The following KCNIP1 variants were observed in gnomAD, a reference collection of about 807,000 sequenced individuals.
The protein encoded by KCNIP1 is A-type potassium channel modulatory protein KCNIP1.
Under a neutral mutation model 33.0 loss-of-function variants are expected in KCNIP1, and 18 were observed. The observed-to-expected ratio is 0.55, with a 90% CI of 0.38 to 0.81. The LOEUF (loss-of-function observed/expected upper bound fraction) is 0.81. Among genes scored for constraint, KCNIP1 ranks in the 30% least tolerant of loss-of-function variants. The probability of loss-of-function intolerance (pLI) is 0.00; values close to 1 mark genes in which losing one functional copy is unlikely to be tolerated. For missense variants in KCNIP1, 238 were observed against 271.6 expected, an observed-to-expected ratio of 0.88 and a Z score of 0.87; for synonymous variants, 93 against 98.3, an observed-to-expected ratio of 0.95 and a Z score of 0.32.
chr5:170,729,958 A>G (rs911406740), intron 5 of KCNIP1, among the ~76,000 whole-genome samples: 2 of 152,134 alleles, frequency 1.3e-5, no homozygotes, highest in African/African-American at 2.4e-5. Flanking sequence ...TGTGATAGCC[A>G]TGATATCCAC....
At position 170,650,246 on chromosome 5, in the gene KCNIP1, T is replaced by C. The variant is rs1350298517; in HGVS notation, c.62-68512T>C. Among the ~76,000 whole-genome samples the C allele has an allele frequency of 2.0e-5, 3 of 152,346 alleles. No homozygotes were observed. In the East Asian group the frequency reaches 5.8e-4, roughly 29 times the overall value. On this transcript the variant is annotated intron_variant, in intron 1 of 7. Transcript: ENST00000328939. ...TAGTCTGGACATATAGCCAGACCTA[T>C]GAAATCACCACAATCAAGATATGAA...
intron 1 of KCNIP1, among the ~76,000 whole-genome samples, chr5:170,372,825 G>A (rs534791666): frequency 3.3e-5 from 5 of 152,310 alleles, no homozygotes; most frequent in South Asian, 2.1e-4. Context: ...CTCATGGGGC[G>A]TGGGGACAGA....
intron 1 of KCNIP1, among the ~76,000 whole-genome samples, chr5:170,591,536 C>A (rs1581370448): frequency 6.6e-6 from 1 of 152,200 alleles, no homozygotes; most frequent in Non-Finnish European, 1.5e-5. Context: ...ACAAACTTCA[C>A]CACCATCTGT....
chr5:170,508,350 A>G (rs1308420840), intron 1 of KCNIP1, among the ~76,000 whole-genome samples: 1 of 152,310 alleles, frequency 6.6e-6, no homozygotes, highest in Admixed American at 6.5e-5. Flanking sequence ...AGGGCCAAAC[A>G]TGGGAATGTT....
chr5:170,531,071 A>G (rs558841433), intron 1 of KCNIP1, among the ~76,000 whole-genome samples: 2 of 152,300 alleles, frequency 1.3e-5, no homozygotes, highest in East Asian at 1.9e-4. Flanking sequence ...GTAGTTTACA[A>G]CCAAGAATCC....
chr5:170,659,742 T>C (rs754440645), intron 1 of KCNIP1, among the ~76,000 whole-genome samples: 11 of 152,222 alleles, frequency 7.2e-5, no homozygotes, highest in Non-Finnish European at 1.5e-4. Context: ...GTCCTGTGTT[T>C]TCATCTTCTC....
At chr5:170,437,215 G>A (rs1445861533) in intron 1 of KCNIP1, among the ~76,000 whole-genome samples, 1 of 152,160 alleles carries the variant, frequency 6.6e-6, no homozygotes, top group African/African-American at 2.4e-5. Flanking sequence ...GTCTAGGGAA[G>A]GCACCTCTTA....
Position 170,504,300 on chromosome 5 carries a change from G to A in KCNIP1, c.-273G>A. The A allele has an allele frequency of 7.5e-7, 1 of 1,339,166 alleles. No individual in the cohort carries two copies. Among genetic ancestry groups the A allele is most frequent in the Non-Finnish European group, 9.5e-7 (1 of 1,048,272 alleles). The allele number at this position is 1,339,166 out of a possible 1,614,324, so 83.0% of individuals were successfully genotyped here. On this transcript the variant is annotated 5_prime_UTR_variant, in exon 1 of 8. Transcript: ENST00000328939. The surrounding 1 kb of genome is among the most constrained non-coding windows in gnomAD (Gnocchi z 6.0). ...CAGGGCACCGTCCTCGGCCCTGGGC[G>A]AGGGAACCGCCGGGCCGGGTCCTCG...
At chr5:170,700,824 A>G (rs989307423) in intron 1 of KCNIP1, among the ~76,000 whole-genome samples, 60 of 152,360 alleles carry the variant, frequency 3.9e-4, no homozygotes, top group African/African-American at 1.4e-3. Context: ...TAATTTCAAA[A>G]GGGTAAAAGG....
intron 1 of KCNIP1, among the ~76,000 whole-genome samples, chr5:170,697,170 G>T (rs1055850335): frequency 5.9e-5 from 9 of 151,932 alleles, no homozygotes; most frequent in Non-Finnish European, 8.8e-5. Flanking sequence ...CACTCCTCAG[G>T]GAAGCCTGCC....
At chr5:170,598,301 C>T (rs916957754) in intron 1 of KCNIP1, among the ~76,000 whole-genome samples, 5 of 152,134 alleles carry the variant, frequency 3.3e-5, no homozygotes, top group Non-Finnish European at 5.9e-5. Context: ...TGATAGATCA[C>T]CAGTGGGAGT....
chr5:170,594,757 C>T (rs574063486), intron 1 of KCNIP1, among the ~76,000 whole-genome samples: 20 of 152,244 alleles, frequency 1.3e-4, no homozygotes, highest in African/African-American at 4.6e-4. Flanking sequence ...GTGATCCACC[C>T]CACTCTGCCT....
chr5:170,558,736 T>C (rs1244041505), intron 1 of KCNIP1, among the ~76,000 whole-genome samples: 2 of 152,258 alleles, frequency 1.3e-5, no homozygotes, highest in African/African-American at 2.4e-5. Flanking sequence ...TCTATTATTA[T>C]GTTTTAATGA....
chr5:170,597,784 A>AATATGTATATAT (rs1758496436), intron 1 of KCNIP1, among the ~76,000 whole-genome samples: 3 of 134,434 alleles, frequency 2.2e-5, no homozygotes, highest in African/African-American at 9.2e-5. Context: ...GAGAGAGATA[A>AATATGTATATAT]ATATATATAT....
intron 1 of KCNIP1, among the ~76,000 whole-genome samples, chr5:170,567,004 A>G (rs1294366978): frequency 1.3e-5 from 2 of 152,220 alleles, no homozygotes; most frequent in Non-Finnish European, 2.9e-5. Flanking sequence ...GGGACTGGGC[A>G]GAGCTGTTAC....
At chr5:170,439,596 G>A (rs1755942626) in intron 1 of KCNIP1, among the ~76,000 whole-genome samples, 1 of 152,224 alleles carries the variant, frequency 6.6e-6, no homozygotes, top group Non-Finnish European at 1.5e-5. Flanking sequence ...TGACCACTTA[G>A]TGGGGCTCAT....
chr5:170,426,274 A>ACACACAC (rs371118514), intron 1 of KCNIP1, among the ~76,000 whole-genome samples: 42 of 56,786 alleles, frequency 7.4e-4, no homozygotes, highest in Non-Finnish European at 1.2e-3. Context: ...CACACACACA[A>ACACACAC]ACACACACAC....
At chr5:170,439,853 G>T (rs1219501018) in intron 1 of KCNIP1, among the ~76,000 whole-genome samples, 1 of 152,198 alleles carries the variant, frequency 6.6e-6, no homozygotes, top group Non-Finnish European at 1.5e-5. Context: ...GCAGCCTTGA[G>T]GGGGATTAGA....
intron 1 of KCNIP1, among the ~76,000 whole-genome samples, chr5:170,509,119 T>C (rs1754831002): frequency 6.6e-6 from 1 of 152,210 alleles, no homozygotes; most frequent in Non-Finnish European, 1.5e-5. Context: ...CCACCGGAAT[T>C]TCAGTTACCA....
Sources: allele counts gnomAD v4.1 joint callset (sites outside exome capture counted in the v4.1 genomes callset), GRCh38; gene constraint gnomAD v4.1.1; non-coding constraint Gnocchi (gnomAD v3.1); transcripts MANE v1.5; gene names NCBI Gene and HGNC (gene_info 2026-07-23, HGNC 2026-07-21).